FILIP1L: variants seen among roughly 807,000 people sequenced by gnomAD.
The protein encoded by FILIP1L is filamin A-interacting protein 1-like.
A neutral mutation model predicts 96.6 loss-of-function variants in FILIP1L; 55 were observed. The ratio of observed to expected loss-of-function variants is 0.57; its 90% CI spans 0.46 to 0.71. The LOEUF (loss-of-function observed/expected upper bound fraction) is 0.71. Among genes scored for constraint, FILIP1L ranks in the 30% least tolerant of loss-of-function variants. FILIP1L has a pLI of 0.00. For synonymous variants in FILIP1L, 467 were observed against 473.9 expected (o/e 0.99, Z 0.19); for missense variants, 1,304 against 1,321.2 (o/e 0.99, Z 0.20).
rs75346071 is a variant in FILIP1L, at chr3:100,112,466, C to T, written c.-11+1587G>A. On this transcript the variant is annotated intron_variant, in intron 1 of 5. Coordinates refer to ENST00000477258, the MANE Select transcript of FILIP1L (RefSeq NM_001387850.1). The stretch of plus-strand genomic sequence containing the variant: ...AAAATATCTTCATTTCCAGTGCCAG[C>T]GCCACTACCTAAGACCAAGTCTTGA... Among the ~76,000 whole-genome samples the T allele has an allele frequency of 1.1e-3, 174 of 152,208 alleles. 7 individuals are homozygous for T. In the East Asian group the frequency reaches 0.031, roughly 27 times the overall value.
At chr3:100,106,903 T>C (rs1236310738) in intron 1 of FILIP1L, among the ~76,000 whole-genome samples, 1 of 152,166 alleles carries the variant, frequency 6.6e-6, no homozygotes, top group Non-Finnish European at 1.5e-5. Context: ...AACAGAAGTA[T>C]GCTAAGGGAA....
intron 1 of FILIP1L, among the ~76,000 whole-genome samples, chr3:100,045,609 A>C (rs574012006): frequency 6.6e-6 from 1 of 152,122 alleles, no homozygotes; most frequent in South Asian, 2.1e-4. Context: ...ATGATTTCTG[A>C]GGCTGCCCCC....
At chr3:99,977,980 A>G (rs1238964563) in intron 1 of FILIP1L, among the ~76,000 whole-genome samples, 1 of 152,210 alleles carries the variant, frequency 6.6e-6, no homozygotes, top group Non-Finnish European at 1.5e-5. Flanking sequence ...ATTATGCCAG[A>G]TGGTCCTCTT....
chr3:100,091,393 T>C (rs1282599137), intron 1 of FILIP1L, among the ~76,000 whole-genome samples: 1 of 152,140 alleles, frequency 6.6e-6, no homozygotes, highest in Non-Finnish European at 1.5e-5. Context: ...TTTTAATAAA[T>C]GAACTTTGTG....
At chr3:100,057,642 C>T (rs2065487926) in intron 1 of FILIP1L, among the ~76,000 whole-genome samples, 1 of 152,196 alleles carries the variant, frequency 6.6e-6, no homozygotes, top group African/African-American at 2.4e-5. Flanking sequence ...AAATCCAATG[C>T]TTTGGGATCA....
intron 5 of FILIP1L, among the ~76,000 whole-genome samples, chr3:99,834,010 C>G (rs1347624338): frequency 6.6e-6 from 1 of 152,136 alleles, no homozygotes; most frequent in Non-Finnish European, 1.5e-5. Context: ...AATATTATTG[C>G]CTTCTTTTCT....
At chr3:99,862,119 A>T (rs981551243) in intron 4 of FILIP1L, among the ~76,000 whole-genome samples, 1 of 152,250 alleles carries the variant, frequency 6.6e-6, no homozygotes, top group Admixed American at 6.5e-5. Flanking sequence ...GTAAGGTAAC[A>T]AATACGCTAA....
chr3:100,037,334 A>G (rs890012347), intron 1 of FILIP1L, among the ~76,000 whole-genome samples: 1 of 152,202 alleles, frequency 6.6e-6, no homozygotes, highest in Non-Finnish European at 1.5e-5. Context: ...AAAAGTGGTA[A>G]AAATTTTAAT....
chr3:100,103,810 T>C (rs2066349101), intron 1 of FILIP1L, among the ~76,000 whole-genome samples: 1 of 152,162 alleles, frequency 6.6e-6, no homozygotes, highest in East Asian at 1.9e-4. Flanking sequence ...TTAAGATAAA[T>C]CTGTCTGTGT....
chr3:100,034,916 T>G (rs922064129), intron 1 of FILIP1L, among the ~76,000 whole-genome samples: 1 of 152,170 alleles, frequency 6.6e-6, no homozygotes. Context: ...TAGTCCACTT[T>G]CCTATTTTAA....
At chr3:99,896,271 T>C (rs1706249550) in intron 4 of FILIP1L, among the ~76,000 whole-genome samples, 1 of 152,150 alleles carries the variant, frequency 6.6e-6, no homozygotes, top group African/African-American at 2.4e-5. Flanking sequence ...ATGGAAACTA[T>C]AGGAGGAAAA....
At chr3:99,840,945 G>A (rs939621521) in intron 5 of FILIP1L, among the ~76,000 whole-genome samples, 1 of 152,196 alleles carries the variant, frequency 6.6e-6, no homozygotes, top group South Asian at 2.1e-4. Context: ...GAGATTGACA[G>A]TTTCCCACTT....
chr3:100,026,246 C>A (rs2064918775), intron 1 of FILIP1L, among the ~76,000 whole-genome samples: 1 of 152,010 alleles, frequency 6.6e-6, no homozygotes, highest in Non-Finnish European at 1.5e-5. Context: ...TTCGTTTAGT[C>A]AAAATTGTGG....
chr3:100,065,299 G>C (rs1391293746), intron 1 of FILIP1L, among the ~76,000 whole-genome samples: 1 of 152,098 alleles, frequency 6.6e-6, no homozygotes, highest in Non-Finnish European at 1.5e-5. Context: ...GCTATAGTTT[G>C]AGAACCATTG....
intron 1 of FILIP1L, among the ~76,000 whole-genome samples, chr3:100,106,379 C>T (rs1156657180): frequency 1.3e-5 from 2 of 152,074 alleles, no homozygotes; most frequent in Non-Finnish European, 2.9e-5. Flanking sequence ...TTCCAAGGAC[C>T]CTCCCATCTA....
intron 1 of FILIP1L, among the ~76,000 whole-genome samples, chr3:99,987,968 T>C (rs1709394918): frequency 6.6e-6 from 1 of 152,200 alleles, no homozygotes. Context: ...AGGCCATCAT[T>C]CTGTTTCTTA....
chr3:100,107,751 G>T (rs1576070814), intron 1 of FILIP1L, among the ~76,000 whole-genome samples: 2 of 151,776 alleles, frequency 1.3e-5, no homozygotes, highest in East Asian at 3.9e-4. Context: ...GAATAATTTT[G>T]CACTTTTAGA....
intron 1 of FILIP1L, among the ~76,000 whole-genome samples, chr3:99,950,948 T>C (rs571023136): frequency 2.6e-4 from 39 of 152,186 alleles, no homozygotes; most frequent in African/African-American, 9.2e-4. Context: ...GATTATTGGG[T>C]TTGACTCTGC....
At chr3:99,887,077 G>C (rs1312624516) in intron 4 of FILIP1L, among the ~76,000 whole-genome samples, 1 of 151,676 alleles carries the variant, frequency 6.6e-6, no homozygotes, top group Non-Finnish European at 1.5e-5. Context: ...TTTGAGACCA[G>C]CCTGACCAAC....
Sources: gnomAD v4.1 joint callset for allele counts (sites outside exome capture counted in the v4.1 genomes callset) on GRCh38, gnomAD v4.1.1 for gene constraint, MANE v1.5 for transcripts, NCBI Gene and HGNC (gene_info 2026-07-23, HGNC 2026-07-21) for gene names.